The following NPSR1 variants were observed in gnomAD, a reference collection of about 807,000 sequenced individuals.
NPSR1 encodes the protein neuropeptide S receptor 1, also known as neuropeptide S receptor.
Under a neutral mutation model 46.9 loss-of-function variants are expected in NPSR1, and 48 were observed. The observed-to-expected ratio is 1.02, with a 90% confidence interval of 0.81 to 1.30. The LOEUF (loss-of-function observed/expected upper bound fraction) is 1.30. Ranked by LOEUF, NPSR1 falls within the 50% of genes most tolerant of loss-of-function variation. NPSR1 has a pLI of 0.00. For synonymous variants in NPSR1, 176 were observed against 168.1 expected, an observed-to-expected ratio of 1.05 and a Z score of -0.36; for missense variants, 450 against 449.5, an observed-to-expected ratio of 1.00 and a Z score of -0.01.
chr7:34,794,960 G>T (rs1242223259), intron 3 of NPSR1, among the ~76,000 whole-genome samples: 1 of 152,054 alleles, frequency 6.6e-6, no homozygotes, highest in African/African-American at 2.4e-5. Context: ...GATTATTTGA[G>T]CCCAGGGGTT....
chr7:34,812,048 T>C (rs1433574444), intron 4 of NPSR1, among the ~76,000 whole-genome samples, 185 bp downstream of exon 4: 1 of 152,140 alleles, frequency 6.6e-6, no homozygotes, highest in Non-Finnish European at 1.5e-5. Context: ...TAAAAAGATG[T>C]ACAAAAGAAA....
chr7:34,774,719 C>T (rs542662479), intron 2 of NPSR1, among the ~76,000 whole-genome samples: 2 of 152,236 alleles, frequency 1.3e-5, no homozygotes, highest in African/African-American at 4.8e-5. Context: ...CCATGGGGTC[C>T]ACCAGATCAT....
intron 2 of NPSR1, among the ~76,000 whole-genome samples, chr7:34,773,508 T>C (rs1786789020): frequency 6.6e-6 from 1 of 152,144 alleles, no homozygotes; most frequent in South Asian, 2.1e-4. Context: ...GGAAAGCTTA[T>C]ACCCAGAATA....
intron 2 of NPSR1, chr7:34,751,198 G>A: frequency 9.0e-7 from 1 of 1,114,908 alleles, no homozygotes; most frequent in Non-Finnish European, 1.4e-6. Flanking sequence ...CACCAGATTG[G>A]GAAAGTGGAT....
intron 3 of NPSR1, among the ~76,000 whole-genome samples, chr7:34,794,138 G>A (rs1350295469): frequency 2.0e-5 from 3 of 152,000 alleles, no homozygotes; most frequent in African/African-American, 7.2e-5. Flanking sequence ...AGAGGAACGG[G>A]TTCTAGTGTT....
downstream of NPSR1, among the ~76,000 whole-genome samples, chr7:34,854,751 G>A (rs1457817543): frequency 6.6e-6 from 1 of 152,098 alleles, no homozygotes; most frequent in African/African-American, 2.4e-5. Flanking sequence ...AGTCATTAAA[G>A]CAGACAAAAA....
chr7:34,705,866 T>C (rs191563157), intron 2 of NPSR1, among the ~76,000 whole-genome samples: 5 of 152,220 alleles, frequency 3.3e-5, no homozygotes, highest in South Asian at 2.1e-4. Context: ...TTATCAAGAG[T>C]TTTCTTCCCC....
chr7:34,658,291 A>G lies in NPSR1; in HGVS notation c.-122A>G. 1 of 1,068,924 alleles carries G rather than the reference A, an allele frequency of 9.4e-7. No homozygotes were observed. The highest frequency in any genetic ancestry group is 1.4e-6 in the Non-Finnish European group (1 of 732,722). 66.2% of individuals were successfully genotyped at this position (1,068,924 alleles called of 1,614,324 possible). A position where few individuals can be genotyped will look rare whatever the true frequency, so the allele number is the denominator to read the frequency against. ...CAGAGCTCTTCAGTGAGGTGGGCTC[A>G]GGGAGGGCTCTGTGCCTCCGTTCAG... On this transcript the variant is annotated 5_prime_UTR_variant, in exon 1 of 9. Transcript: ENST00000360581.
chr7:34,799,343 C>T (rs968092761), intron 3 of NPSR1, among the ~76,000 whole-genome samples: 6 of 151,874 alleles, frequency 4.0e-5, no homozygotes, highest in Non-Finnish European at 8.8e-5. Context: ...AAACCAAAAG[C>T]TGTTTCTTTA....
Position 34,827,414 on chromosome 7 carries a change from G to A in NPSR1, c.492G>A (p.Arg164=), listed in dbSNP as rs200741263. The change falls in exon 5 of 9, where the codon AGG becomes AGA. Residue 164 remains arginine (R), a synonymous_variant. Coordinates refer to ENST00000360581, the MANE Select transcript of NPSR1 (RefSeq NM_207172.2). ...MKFLQGEKQA[R]VLIVIAWSLS... ...TTCTTTGGGCAGAAAAGCAAGCCAG[G>A]GTCCTCATTGTGATCGCCTGGAGCC... 6.2e-7 allele frequency: 1 copy of A among 1,614,008 alleles called. No individual in the cohort carries two copies. The highest frequency in any genetic ancestry group is 2.2e-5 in the East Asian group (1 of 44,872).
intron 2 of NPSR1, among the ~76,000 whole-genome samples, chr7:34,770,509 G>A (rs192546276): frequency 6.6e-5 from 10 of 152,278 alleles, no homozygotes; most frequent in Admixed American, 3.3e-4. Context: ...ACATAACATT[G>A]TATGGTGAAC....
chr7:34,794,158 AT>A, intron 3 of NPSR1, among the ~76,000 whole-genome samples: 2 of 152,250 alleles, frequency 1.3e-5, no homozygotes, highest in African/African-American at 4.8e-5. Flanking sequence ...TCTATTGCAC[AT>A]CAGGGTGAAT....
At chr7:34,786,155 C>A (rs1787457685) in intron 3 of NPSR1, among the ~76,000 whole-genome samples, 1 of 152,140 alleles carries the variant, frequency 6.6e-6, no homozygotes, top group African/African-American at 2.4e-5. Flanking sequence ...GGAGTCAATT[C>A]TCTCAAATCT....
At chr7:34,801,667 G>A (rs1159025534) in intron 3 of NPSR1, among the ~76,000 whole-genome samples, 1 of 146,150 alleles carries the variant, frequency 6.8e-6, no homozygotes, top group Non-Finnish European at 1.5e-5. Flanking sequence ...ACAAGACAGG[G>A]ATGCCCTCTC....
At chr7:34,802,888 C>A (rs1364058983) in intron 3 of NPSR1, among the ~76,000 whole-genome samples, 1 of 150,342 alleles carries the variant, frequency 6.7e-6, no homozygotes. Flanking sequence ...CAAACAACCC[C>A]ATCAAAAAGT....
At chr7:34,795,040 TA>T (rs1203199096) in intron 3 of NPSR1, among the ~76,000 whole-genome samples, 1 of 151,602 alleles carries the variant, frequency 6.6e-6, no homozygotes, top group Non-Finnish European at 1.5e-5. Context: ...CCCTATCTCT[TA>T]AAAAAAGAAA....
intron 2 of NPSR1, among the ~76,000 whole-genome samples, chr7:34,737,109 C>T (rs1174860742): frequency 1.3e-5 from 2 of 152,078 alleles, no homozygotes; most frequent in Admixed American, 6.6e-5. Context: ...GTCCTCACTC[C>T]CTGGCCTCTC....
chr7:34,818,102 C>T (rs1789344328), intron 4 of NPSR1, among the ~76,000 whole-genome samples: 1 of 143,864 alleles, frequency 7.0e-6, no homozygotes, highest in African/African-American at 2.5e-5. Context: ...AAAGCGTATT[C>T]AATTAGGAAA....
At chr7:34,768,048 T>C (rs867448202) in intron 2 of NPSR1, among the ~76,000 whole-genome samples, 1 of 152,204 alleles carries the variant, frequency 6.6e-6, no homozygotes, top group African/African-American at 2.4e-5. Context: ...CTAGAGATGA[T>C]AGATATGCCA....
Sources: allele counts gnomAD v4.1 joint callset (sites outside exome capture counted in the v4.1 genomes callset), GRCh38; gene constraint gnomAD v4.1.1; transcripts MANE v1.5; gene names NCBI Gene and HGNC (gene_info 2026-07-23, HGNC 2026-07-21).